The following CASZ1 variants were observed in gnomAD, a reference collection of about 807,000 sequenced individuals.
The protein encoded by CASZ1 is zinc finger protein castor homolog 1.
A neutral mutation model predicts 135.2 loss-of-function variants in CASZ1; 28 were observed. The observed-to-expected ratio is 0.21, with a 90% confidence interval of 0.15 to 0.28. The LOEUF is 0.28. CASZ1 is among the 10% of genes least tolerant of loss of function. The probability of loss-of-function intolerance (pLI) is 1.00; values close to 1 mark genes in which losing one functional copy is unlikely to be tolerated. For missense variants in CASZ1, 2,161 were observed against 2,453.3 expected (o/e 0.88, Z 2.52); for synonymous variants, 1,068 against 1,073.4 (o/e 0.99, Z 0.10).
chr1:10,779,997 C>T (rs1737616), intron 1 of CASZ1, among the ~76,000 whole-genome samples: 18,032 of 152,100 alleles, frequency 0.12, 2,122 homozygotes, highest in African/African-American at 0.31. Flanking sequence ...ACCAACACCC[C>T]GCCCACCCTG....
In CASZ1 at chr1:10,727,548, C is replaced by CTGAGGTGATTT. The variant is rs1639620116; in HGVS notation, c.-76-22005_-76-22004insAAATCACCTCA. Among the ~76,000 whole-genome samples, 1 of 152,188 alleles carries CTGAGGTGATTT rather than the reference C, an allele frequency of 6.6e-6. No homozygotes were observed. The highest frequency in any genetic ancestry group is 6.5e-5 in the Admixed American group (1 of 15,286). ...TTACGGTTCTGTCCTGAAGGACTCT[C>CTGAGGTGATTT]TTCCTTGGTCCCCATAGCCCCCAAG... On this transcript the variant is annotated intron_variant, in intron 2 of 20. Coordinates refer to ENST00000377022, the MANE Select transcript of CASZ1 (RefSeq NM_001079843.3). The surrounding 1 kb of genome is among the most constrained non-coding windows in gnomAD (Gnocchi z 5.3).
chr1:10,639,644 G>C lies in CASZ1; in HGVS notation c.4578C>G (p.Asp1526Glu). 17 of 1,606,882 alleles carry C rather than the reference G, an allele frequency of 1.1e-5. No individual in the cohort carries two copies. The highest frequency in any genetic ancestry group is 1.4e-5 in the Non-Finnish European group (17 of 1,178,412). ...HCLRCRFRCT[D>E]STKVTAHRKH... ...TGCGATGCGCCGTGACCTTGGTGCTGTCGGTGCAGCGGAAGCGGCAGCGCA... is the reference window on the plus strand; with the variant it reads ...TGCGATGCGCCGTGACCTTGGTGCTCTCGGTGCAGCGGAAGCGGCAGCGCA... Residue 1526 changes from aspartate to glutamate, a missense_variant, in exon 21 of 21, where the codon GAC becomes GAG. Asp to Glu is a conservative substitution (Grantham distance 45). Transcript: ENST00000377022. This position sits in a 1 kb window ranked among gnomAD's most constrained non-coding sequence, Gnocchi z 4.0.
Position 10,788,200 on chromosome 1 carries a change from C to G in CASZ1, c.-234+8364G>C, listed in dbSNP as rs1282552967. On this transcript the variant is annotated intron_variant, in intron 1 of 20. Transcript: ENST00000377022. The surrounding 1 kb of genome is among the most constrained non-coding windows in gnomAD (Gnocchi z 4.1). ...TGGATAGGGGAACCGGGAGAGCTGC[C>G]TTTGGCTTGGTGAGGGGCATCGCTA... Among the ~76,000 whole-genome samples the G allele has an allele frequency of 6.6e-6, 1 of 152,180 alleles. No homozygotes were observed. The highest frequency in any genetic ancestry group is 1.5e-5 in the Non-Finnish European group (1 of 68,024).
Position 10,637,479 on chromosome 1 carries a change from C to T in CASZ1, c.*1463G>A, listed in dbSNP as rs1642030120. 1 of 152,420 alleles carries T rather than the reference C, an allele frequency of 6.6e-6. No individual in the cohort carries two copies. Among genetic ancestry groups the T allele is most frequent in the South Asian group, 2.1e-4 (1 of 4,826 alleles). The allele number at this position is 152,420 out of a possible 1,614,324, so 9.4% of individuals were successfully genotyped here. On this transcript the variant is annotated 3_prime_UTR_variant, in exon 21 of 21. Coordinates refer to ENST00000377022, the MANE Select transcript of CASZ1 (RefSeq NM_001079843.3). ...TGCCCCCCAGTTGAGCCAGGTTCCT[C>T]CTGGAGACCTCTGGGGAGGAGGCTT...
rs759781062 is a variant in CASZ1 at position 10,639,977 on chromosome 1, C to A, written c.4245G>T (p.Arg1415=). The A allele has an allele frequency of 3.7e-6, 6 of 1,612,816 alleles. No homozygotes were observed. In the East Asian group the frequency reaches 1.1e-4, roughly 30 times the overall value. ...TCTTCCGGGAGGACGCCGTCTTCCG[C>A]CGCTTGCCGAAGGGCGACATGTCCT... is the stretch of plus-strand genomic sequence containing the variant. ...IIEDMSPFGK[R]RKTASSRKML... is the part of the protein sequence containing the mutation. Residue 1415 remains arginine, a synonymous_variant, in exon 21 of 21, where the codon CGG becomes CGT. Coordinates refer to ENST00000377022, the MANE Select transcript of CASZ1 (RefSeq NM_001079843.3). This position sits in a 1 kb window ranked among gnomAD's most constrained non-coding sequence, Gnocchi z 4.0.
At chr1:10,743,288 C>G (rs1219273400) in intron 2 of CASZ1, among the ~76,000 whole-genome samples, 2 of 152,016 alleles carry the variant, frequency 1.3e-5, no homozygotes, top group African/African-American at 4.8e-5. Context: ...GGGAGACATT[C>G]AAGGGTGAGT....
chr1:10,679,836 C>T lies in CASZ1; in HGVS notation c.16+14038G>A, dbSNP rs146320027. 3.7e-4 allele frequency among the ~76,000 whole-genome samples: 57 copies of T among 152,350 alleles called. No individual in the cohort carries two copies. In the East Asian group the frequency reaches 0.011, roughly 29 times the overall value. On this transcript the variant is annotated intron_variant, in intron 4 of 20. Transcript: ENST00000377022. The surrounding 1 kb of genome is among the most constrained non-coding windows in gnomAD (Gnocchi z 4.7). The stretch of plus-strand genomic sequence containing the variant: ...ACAGGATGTAGGGATTACAGTAAAA[C>T]CTGGCTCCGGATCTGCAGGGGCAGC...
rs532062404 is a variant in CASZ1, at chr1:10,755,611, C to G, written c.-77+5090G>C. On this transcript the variant is annotated intron_variant, in intron 2 of 20. Coordinates refer to ENST00000377022, the MANE Select transcript of CASZ1 (RefSeq NM_001079843.3). This position sits in a 1 kb window ranked among gnomAD's most constrained non-coding sequence, Gnocchi z 4.3. ...CCTGGGGCCCGTGCATGGCGAGATG[C>G]GGGGTTTTCCTGCATCTGCTCCGAA... Among the ~76,000 whole-genome samples the G allele has an allele frequency of 1.3e-5, 2 of 152,014 alleles. No homozygotes were observed. The highest frequency in any genetic ancestry group is 4.8e-5 in the African/African-American group (2 of 41,392).
intron 4 of CASZ1, among the ~76,000 whole-genome samples, chr1:10,683,719 C>T (rs930145709): frequency 9.9e-5 from 15 of 152,162 alleles, no homozygotes; most frequent in Admixed American, 9.2e-4. Flanking sequence ...CCCTCCCCTG[C>T]GGACAGATGG....
intron 17 of CASZ1, among the ~76,000 whole-genome samples, chr1:10,645,484 C>T (rs1327848288): frequency 1.3e-5 from 2 of 152,152 alleles, no homozygotes; most frequent in Non-Finnish European, 2.9e-5. Flanking sequence ...GAGCCGAGAT[C>T]GTGCCACTGC....
rs993847789 is a variant in CASZ1 at position 10,739,454 on chromosome 1, G to C, written c.-77+21247C>G. ...CATGTGTGTGGCCCACACAAGGGCG[G>C]TCTGCTCTCACTCCCCTCGCTGCTC... On this transcript the variant is annotated intron_variant, in intron 2 of 20. Coordinates refer to ENST00000377022, the MANE Select transcript of CASZ1 (RefSeq NM_001079843.3). This position sits in a 1 kb window ranked among gnomAD's most constrained non-coding sequence, Gnocchi z 4.8. Among the ~76,000 whole-genome samples the C allele has an allele frequency of 6.6e-6, 1 of 152,106 alleles. No individual in the cohort carries two copies. The highest frequency in any genetic ancestry group is 2.4e-5 in the African/African-American group (1 of 41,412).
intron 6 of CASZ1, among the ~76,000 whole-genome samples, 163 bp downstream of exon 6, chr1:10,659,539 A>G (rs1446305046): frequency 6.6e-6 from 1 of 152,216 alleles, no homozygotes; most frequent in Non-Finnish European, 1.5e-5. Context: ...GTGGAAGCGC[A>G]TGGATGGGAG....
chr1:10,783,064 T>G (rs972740637), intron 1 of CASZ1, among the ~76,000 whole-genome samples: 8 of 152,196 alleles, frequency 5.3e-5, no homozygotes, highest in African/African-American at 1.9e-4. Flanking sequence ...ACTTTTCAGC[T>G]TCACATTAGC....
chr1:10,738,711 C>T (rs1334531552), intron 2 of CASZ1, among the ~76,000 whole-genome samples: 9 of 152,336 alleles, frequency 5.9e-5, no homozygotes, highest in South Asian at 4.1e-4. Flanking sequence ...GCGTAAACCC[C>T]ACAGGGAGAG....
chr1:10,718,731 CCCAGGCCCACAACGTCT>C (rs1182186166), intron 2 of CASZ1, among the ~76,000 whole-genome samples: 1 of 152,244 alleles, frequency 6.6e-6, no homozygotes, highest in Non-Finnish European at 1.5e-5. Flanking sequence ...GGGCAGCAGA[CCCAGGCCCACAACGTCT>C]CCACTGGCAT....
rs1570403462 is a variant in CASZ1 at position 10,646,935 on chromosome 1, G to A, written c.3498-609C>T. Among the ~76,000 whole-genome samples the A allele has an allele frequency of 6.6e-6, 1 of 152,202 alleles. No homozygotes were observed. Among genetic ancestry groups the A allele is most frequent in the East Asian group, 1.9e-4 (1 of 5,188 alleles). ...GTGGGAGAGCTGCTGGGGCAGAGCG[G>A]GTGTGCTGGCCTGCCCTAGGCCGCC... is the stretch of plus-strand genomic sequence containing the variant. On this transcript the variant is annotated intron_variant, in intron 16 of 20. Transcript: ENST00000377022. The surrounding 1 kb of genome is among the most constrained non-coding windows in gnomAD (Gnocchi z 6.4).
At chr1:10,766,276 G>A (rs1640477606) in intron 1 of CASZ1, among the ~76,000 whole-genome samples, 1 of 152,142 alleles carries the variant, frequency 6.6e-6, no homozygotes, top group Non-Finnish European at 1.5e-5. Context: ...CTGTGGTTAA[G>A]CACACAAACT....
chr1:10,661,473 C>A (rs1643022137), intron 5 of CASZ1: 1 of 149,866 alleles, frequency 6.7e-6, no homozygotes, highest in Non-Finnish European at 1.5e-5. Context: ...TTCTCACACA[C>A]ACACACACGG....
chr1:10,749,270 C>T (rs753045351), intron 2 of CASZ1, among the ~76,000 whole-genome samples: 5 of 150,858 alleles, frequency 3.3e-5, no homozygotes, highest in Non-Finnish European at 7.4e-5. Context: ...TTTTTTGAGA[C>T]AGAGTCTCAC....
Sources: gnomAD v4.1 joint callset for allele counts (sites outside exome capture counted in the v4.1 genomes callset) on GRCh38, gnomAD v4.1.1 for gene constraint, Gnocchi (gnomAD v3.1) non-coding constraint, MANE v1.5 for transcripts, NCBI Gene and HGNC (gene_info 2026-07-23, HGNC 2026-07-21) for gene names.